The following PAPPA variants were observed in gnomAD, a reference collection of about 807,000 sequenced individuals.
The protein encoded by PAPPA is pappalysin 1, also known as pappalysin-1.
In PAPPA, 60 loss-of-function variants were observed where a neutral mutation model predicts 164.0. The ratio of observed to expected loss-of-function variants is 0.37; its 90% CI spans 0.30 to 0.45. The LOEUF (loss-of-function observed/expected upper bound fraction) is 0.45, where lower values mean the gene tolerates loss of function less well. Among genes scored for constraint, PAPPA ranks in the 20% least tolerant of loss-of-function variants. The pLI is 1.00. For synonymous variants in PAPPA, 875 were observed against 814.1 expected (o/e 1.07, Z -1.27); for missense variants, 1,782 against 2,087.3 (o/e 0.85, Z 2.85).
chr9:116,369,145 G>GTT lies in PAPPA; in HGVS notation c.4605+1393_4605+1394dup, dbSNP rs557597084. On this transcript the variant is annotated intron_variant, in intron 19 of 21. Coordinates refer to ENST00000328252, the MANE Select transcript of PAPPA (RefSeq NM_002581.5). ...CACACTCTCCTTTCCATCATCCACT[G>GTT]TTTCTCTCTCTCTCTCTCTGCCTCT... 4.1e-3 allele frequency among the ~76,000 whole-genome samples: 621 copies of GTT among 151,446 alleles called. 6 individuals are homozygous for GTT. The highest frequency in any genetic ancestry group is 6.4e-3 in the Non-Finnish European group (437 of 67,896).
chr9:116,160,460 A>G (rs1247421462), intron 1 of PAPPA, among the ~76,000 whole-genome samples: 3 of 152,234 alleles, frequency 2.0e-5, no homozygotes, highest in Admixed American at 1.3e-4. Context: ...GCTCTAAGGC[A>G]TTCACCATTC....
chr9:116,395,132 TTAAA>T (rs1246253025), intron 21 of PAPPA, among the ~76,000 whole-genome samples: 1 of 152,206 alleles, frequency 6.6e-6, no homozygotes, highest in African/African-American at 2.4e-5. Flanking sequence ...ATTTTTCCCA[TTAAA>T]TGAATGAGTT....
At chr9:116,265,446 T>G (rs1845055892) in intron 7 of PAPPA, among the ~76,000 whole-genome samples, 1 of 152,200 alleles carries the variant, frequency 6.6e-6, no homozygotes, top group Admixed American at 6.5e-5. Context: ...CATGATCAGA[T>G]AATGCCCTAA....
chr9:116,324,004 G>T (rs1845891783), intron 10 of PAPPA, among the ~76,000 whole-genome samples: 4 of 152,160 alleles, frequency 2.6e-5, no homozygotes, highest in Admixed American at 2.6e-4. Context: ...ACCTGAAAAG[G>T]CCTGTTTTGG....
chr9:116,266,865 A>G (rs1051681077), intron 8 of PAPPA, among the ~76,000 whole-genome samples: 1 of 152,254 alleles, frequency 6.6e-6, no homozygotes, highest in Non-Finnish European at 1.5e-5. Flanking sequence ...TATGTTCCTC[A>G]TTGCTAAAAT....
intron 7 of PAPPA, among the ~76,000 whole-genome samples, chr9:116,243,062 A>G (rs1844754584): frequency 6.6e-6 from 1 of 152,156 alleles, no homozygotes; most frequent in South Asian, 2.1e-4. Flanking sequence ...TGGGATTTCA[A>G]TGTCAGCCCT....
chr9:116,355,848 G>A (rs775802581), intron 17 of PAPPA, among the ~76,000 whole-genome samples: 8 of 152,198 alleles, frequency 5.3e-5, no homozygotes, highest in Non-Finnish European at 8.8e-5. Flanking sequence ...CAAAGAATGA[G>A]GGTGTGCGTG....
At chr9:116,310,657 A>G (rs922957831) in intron 10 of PAPPA, among the ~76,000 whole-genome samples, 1 of 152,174 alleles carries the variant, frequency 6.6e-6, no homozygotes, top group South Asian at 2.1e-4. Context: ...TCTCTCTTCT[A>G]TTCATCCTTT....
chr9:116,277,506 A>G (rs1845213991), intron 9 of PAPPA, among the ~76,000 whole-genome samples: 1 of 152,104 alleles, frequency 6.6e-6, no homozygotes, highest in Non-Finnish European at 1.5e-5. Flanking sequence ...CTTGTGTCGC[A>G]GTTTTTTCAA....
At chr9:116,197,677 G>C (rs1587947778) in intron 2 of PAPPA, among the ~76,000 whole-genome samples, 2 of 152,134 alleles carry the variant, frequency 1.3e-5, no homozygotes, top group African/African-American at 4.8e-5. Flanking sequence ...TTAACCCCAA[G>C]GGAGACCCAA....
chr9:116,347,142 C>G lies in PAPPA; in HGVS notation c.3897C>G (p.Ser1299=). The change falls in exon 15 of 22, where the codon TCC becomes TCG. Residue 1299 remains serine, a synonymous_variant. Coordinates refer to ENST00000328252, the MANE Select transcript of PAPPA (RefSeq NM_002581.5). The surrounding 1 kb of genome is among the most constrained non-coding windows in gnomAD (Gnocchi z 4.5). ...ATCAAGTCTATGCTGCCTCCTTCTC[C>G]TGCCCTGAGGGCACCACCTTTGGCA... ...DHHQVYAASF[S]CPEGTTFGSQ... 6.2e-7 allele frequency: 1 copy of G among 1,614,198 alleles called. No homozygotes were observed. Among genetic ancestry groups the G allele is most frequent in the Non-Finnish European group, 8.5e-7 (1 of 1,180,002 alleles).
At position 116,392,044 on chromosome 9, in the gene PAPPA, GC is replaced by G. The variant is rs539261517; in HGVS notation, c.4777-4462del. ...CTGAGGAGTGCCAGGCCACCTGACAGCCCACTGATTCATCTCTTTGCATCTT... is the reference window on the plus strand; with the variant it reads ...CTGAGGAGTGCCAGGCCACCTGACAGCCACTGATTCATCTCTTTGCATCTT... On this transcript the variant is annotated intron_variant, in intron 21 of 21. Transcript: ENST00000328252. Among the ~76,000 whole-genome samples, 27 of 152,302 alleles carry G rather than the reference GC, an allele frequency of 1.8e-4. No individual in the cohort carries two copies. The South Asian group carries it at 4.8e-3, about 27-fold the overall frequency.
chr9:116,375,878 T>C (rs964483069), intron 19 of PAPPA, among the ~76,000 whole-genome samples: 2 of 152,362 alleles, frequency 1.3e-5, no homozygotes, highest in East Asian at 3.9e-4. Context: ...TGGACTTCCA[T>C]AGTTGGTTGT....
chr9:116,180,442 A>G (rs898677733), intron 1 of PAPPA, among the ~76,000 whole-genome samples: 1 of 152,148 alleles, frequency 6.6e-6, no homozygotes, highest in African/African-American at 2.4e-5. Context: ...CAGTTTCCTT[A>G]TCTGTCAAAA....
rs371626174 is a variant in PAPPA, at chr9:116,399,172, T to C, written c.*2556T>C. 2.8e-3 allele frequency: 434 copies of C among 154,282 alleles called. 3 individuals are homozygous for C. Among genetic ancestry groups the C allele is most frequent in the South Asian group, 0.016 (81 of 4,928 alleles). The allele number at this position is 154,282 out of a possible 1,614,324, so 9.6% of individuals were successfully genotyped here. A position where few individuals can be genotyped will look rare whatever the true frequency, so the allele number is the denominator to read the frequency against. ...CCCATCATCATCTATTTTCACACTA[T>C]CCAGCTAAGCAAAGATTCCTGGAGG... On this transcript the variant is annotated 3_prime_UTR_variant, in exon 22 of 22. Coordinates refer to ENST00000328252, the MANE Select transcript of PAPPA (RefSeq NM_002581.5).
chr9:116,367,587 G>T, intron 18 of PAPPA, 58 bp from the exon 19 acceptor site: 4 of 1,282,032 alleles, frequency 3.1e-6, no homozygotes, highest in Admixed American at 1.8e-5. Context: ...CAGGAGGGCA[G>T]TTTGCAGATG....
At chr9:116,345,463 G>T (rs1846195923) in intron 14 of PAPPA, among the ~76,000 whole-genome samples, 1 of 150,794 alleles carries the variant, frequency 6.6e-6, no homozygotes, top group South Asian at 2.1e-4. Context: ...ACATGCCACA[G>T]ATTTTTTTGT....
chr9:116,283,472 G>T (rs1031288343), intron 9 of PAPPA, among the ~76,000 whole-genome samples: 1 of 152,124 alleles, frequency 6.6e-6, no homozygotes, highest in East Asian at 1.9e-4. Context: ...GTCACAGGGG[G>T]TGAGTGGGCA....
At chr9:116,388,919 G>T (rs1846852700) in intron 21 of PAPPA, among the ~76,000 whole-genome samples, 1 of 152,164 alleles carries the variant, frequency 6.6e-6, no homozygotes, top group Admixed American at 6.5e-5. Flanking sequence ...CTTAAGAAAA[G>T]ACATTATACC....
Sources: allele counts gnomAD v4.1 joint callset (sites outside exome capture counted in the v4.1 genomes callset), GRCh38; gene constraint gnomAD v4.1.1; non-coding constraint Gnocchi (gnomAD v3.1); transcripts MANE v1.5; gene names NCBI Gene and HGNC (gene_info 2026-07-23, HGNC 2026-07-21).